KCNIP4: variants seen among roughly 807,000 people sequenced by gnomAD.
KCNIP4 encodes the protein Kv channel-interacting protein 4.
Under a neutral mutation model 34.0 loss-of-function variants are expected in KCNIP4, and 12 were observed. The observed-to-expected ratio is 0.35, with a 90% CI of 0.23 to 0.57. The LOEUF (loss-of-function observed/expected upper bound fraction) is 0.57. Among genes scored for constraint, KCNIP4 ranks in the 20% least tolerant of loss-of-function variants. KCNIP4 has a pLI of 0.83. For missense variants in KCNIP4, 238 were observed against 311.7 expected, an observed-to-expected ratio of 0.76 and a Z score of 1.78; for synonymous variants, 124 against 102.2, an observed-to-expected ratio of 1.21 and a Z score of -1.29.
At chr4:20,928,563 A>G (rs1191825167) in intron 1 of KCNIP4, among the ~76,000 whole-genome samples, 1 of 151,722 alleles carries the variant, frequency 6.6e-6, no homozygotes, top group Non-Finnish European at 1.5e-5. Context: ...TCAAGAAACT[A>G]AAAAAAAGAA....
chr4:20,995,828 G>A (rs1737504827), intron 1 of KCNIP4, among the ~76,000 whole-genome samples: 2 of 152,206 alleles, frequency 1.3e-5, no homozygotes, highest in Non-Finnish European at 2.9e-5. Flanking sequence ...ATATGCAAGG[G>A]ACTGTGGGGC....
intron 1 of KCNIP4, among the ~76,000 whole-genome samples, chr4:21,255,364 C>T (rs1760993898): frequency 6.6e-6 from 1 of 152,152 alleles, no homozygotes; most frequent in Non-Finnish European, 1.5e-5. Flanking sequence ...TTATACCTAT[C>T]CTTTGTATTT....
At chr4:21,334,871 G>A (rs534934981) in intron 1 of KCNIP4, among the ~76,000 whole-genome samples, 1 of 152,112 alleles carries the variant, frequency 6.6e-6, no homozygotes, top group African/African-American at 2.4e-5. Context: ...GTTCCATTCT[G>A]TCAATATAAT....
At chr4:21,359,354 G>T (rs1194874429) in intron 1 of KCNIP4, among the ~76,000 whole-genome samples, 3 of 151,918 alleles carry the variant, frequency 2.0e-5, no homozygotes, top group Admixed American at 6.6e-5. Context: ...GCAGATTGTG[G>T]AACTTCTTAG....
At chr4:21,646,544 GTTCT>G (rs1747037565) in intron 1 of KCNIP4, among the ~76,000 whole-genome samples, 1 of 151,806 alleles carries the variant, frequency 6.6e-6, no homozygotes, top group Non-Finnish European at 1.5e-5. Context: ...CCAATCAGAT[GTTCT>G]TTTTTTTTCC....
At chr4:21,843,741 T>C (rs2109324126) in intron 1 of KCNIP4, 1 of 152,046 alleles carries the variant, frequency 6.6e-6, no homozygotes. Context: ...CTACCAGAAA[T>C]AGCTGGAAAG....
intron 1 of KCNIP4, among the ~76,000 whole-genome samples, chr4:20,986,692 T>C (rs1376202499): frequency 6.6e-6 from 1 of 152,216 alleles, no homozygotes; most frequent in African/African-American, 2.4e-5. Flanking sequence ...TCAGCAAATA[T>C]TTGCCAATTG....
chr4:21,394,094 G>A (rs1290077786), intron 1 of KCNIP4, among the ~76,000 whole-genome samples: 1 of 152,030 alleles, frequency 6.6e-6, no homozygotes, highest in Non-Finnish European at 1.5e-5. Context: ...AGTCTTTAGA[G>A]AAAAAATTAT....
At chr4:20,997,644 A>G (rs1419848695) in intron 1 of KCNIP4, among the ~76,000 whole-genome samples, 3 of 152,182 alleles carry the variant, frequency 2.0e-5, no homozygotes, top group Non-Finnish European at 4.4e-5. Context: ...GGCTGCCCTT[A>G]GCATGCTTCT....
rs568401077 is a variant in KCNIP4, at chr4:21,785,848, G to A, written c.61+162723C>T. 6.0e-4 allele frequency among the ~76,000 whole-genome samples: 92 copies of A among 152,104 alleles called. No individual in the cohort carries two copies. The South Asian group carries it at 0.012, about 19-fold the overall frequency. ...TATGTCACATTTTATTTATCCATTC[G>A]TCAGTTGATGGACATTTGAATTGTT... is the stretch of plus-strand genomic sequence containing the variant. On this transcript the variant is annotated intron_variant, in intron 1 of 8. Transcript: ENST00000382152.
chr4:21,763,153 C>A, intron 1 of KCNIP4: 1 of 1,231,784 alleles, frequency 8.1e-7, no homozygotes. Context: ...GTTGAATTCA[C>A]ACAAACAAAA....
intron 1 of KCNIP4, among the ~76,000 whole-genome samples, chr4:21,246,938 T>G (rs1050999503): frequency 6.6e-6 from 1 of 152,154 alleles, no homozygotes; most frequent in Non-Finnish European, 1.5e-5. Flanking sequence ...ATTTTTCATT[T>G]CTTTTTTCTT....
intron 1 of KCNIP4, among the ~76,000 whole-genome samples, chr4:21,292,889 C>T (rs1306795419): frequency 6.6e-6 from 1 of 152,084 alleles, no homozygotes; most frequent in East Asian, 1.9e-4. Context: ...CCTATAGCAT[C>T]CCCAGCACCT....
intron 1 of KCNIP4, among the ~76,000 whole-genome samples, chr4:21,819,134 C>G (rs543006420): frequency 6.6e-6 from 1 of 152,168 alleles, no homozygotes; most frequent in South Asian, 2.1e-4. Context: ...AGCATATTTT[C>G]TTTGCACTGA....
chr4:21,363,944 G>C (rs770972650), intron 1 of KCNIP4, among the ~76,000 whole-genome samples: 3 of 152,116 alleles, frequency 2.0e-5, no homozygotes, highest in Non-Finnish European at 4.4e-5. Flanking sequence ...GTACCACTGT[G>C]AGCCCCAAGA....
At chr4:21,187,289 A>T (rs1053848207) in intron 1 of KCNIP4, among the ~76,000 whole-genome samples, 2 of 152,222 alleles carry the variant, frequency 1.3e-5, no homozygotes, top group Non-Finnish European at 2.9e-5. Flanking sequence ...CTAAGCAAAC[A>T]TGGAATTCAA....
intron 1 of KCNIP4, among the ~76,000 whole-genome samples, chr4:21,494,773 TAAAAA>T (rs34162922): frequency 4.5e-5 from 5 of 111,754 alleles, no homozygotes; most frequent in African/African-American, 1.6e-4. Context: ...TCAGACTGTG[TAAAAA>T]AAAAAAAAAA....
intron 1 of KCNIP4, among the ~76,000 whole-genome samples, chr4:21,933,396 G>A (rs1347080648): frequency 2.6e-5 from 4 of 152,138 alleles, no homozygotes; most frequent in Middle Eastern, 3.4e-3. Context: ...CTCATTTCAC[G>A]TATGTTCTCT....
intron 1 of KCNIP4, among the ~76,000 whole-genome samples, chr4:20,947,495 C>T (rs1732308860): frequency 6.6e-6 from 1 of 152,174 alleles, no homozygotes; most frequent in Admixed American, 6.5e-5. Flanking sequence ...AAGCCCTCAC[C>T]AATCACTCGT....
Sources: gnomAD v4.1 joint callset for allele counts (sites outside exome capture counted in the v4.1 genomes callset) on GRCh38, gnomAD v4.1.1 for gene constraint, MANE v1.5 for transcripts, NCBI Gene and HGNC (gene_info 2026-07-23, HGNC 2026-07-21) for gene names.